The following MPPED1 variants were observed in gnomAD, a reference collection of about 807,000 sequenced individuals.
MPPED1 encodes metallophosphoesterase domain containing 1.
In MPPED1, 16 loss-of-function variants were observed where a neutral mutation model predicts 36.2. The ratio of observed to expected loss-of-function variants is 0.44; its 90% CI spans 0.30 to 0.67. MPPED1 has a LOEUF of 0.67. MPPED1 is among the 30% of genes least tolerant of loss of function. The pLI, the probability that MPPED1 is intolerant of heterozygous loss-of-function variation, is 0.10. For missense variants in MPPED1, 307 were observed against 453.4 expected, an observed-to-expected ratio of 0.68 and a Z score of 2.93; for synonymous variants, 199 against 191.3, an observed-to-expected ratio of 1.04 and a Z score of -0.33.
At chr22:43,446,341 C>T (rs1207843654) in intron 3 of MPPED1, among the ~76,000 whole-genome samples, 11 of 152,180 alleles carry the variant, frequency 7.2e-5, no homozygotes, top group Admixed American at 3.9e-4. Flanking sequence ...AAAACTAGTT[C>T]CTGCCTTTGT....
At chr22:43,505,363 C>A in intron 6 of MPPED1, 135 bp from the exon 7 acceptor site, 1 of 656,978 alleles carries the variant, frequency 1.5e-6, no homozygotes, top group South Asian at 1.9e-5. Flanking sequence ...GATGAAGGGA[C>A]TGACCTCGAG....
At chr22:43,463,816 T>TTTCTTTC (rs1931047698) in intron 3 of MPPED1, among the ~76,000 whole-genome samples, 1 of 43,550 alleles carries the variant, frequency 2.3e-5, no homozygotes, top group South Asian at 7.2e-4. Flanking sequence ...CTTTTCTTTC[T>TTTCTTTC]TTCTTTCTTT....
At chr22:43,468,863 G>A (rs1384910153) in intron 3 of MPPED1, among the ~76,000 whole-genome samples, 6 of 152,190 alleles carry the variant, frequency 3.9e-5, no homozygotes, top group Non-Finnish European at 8.8e-5. Context: ...TGGATGCTTA[G>A]CTTCCGTTGG....
intron 4 of MPPED1, among the ~76,000 whole-genome samples, chr22:43,483,178 T>C (rs917297384): frequency 5.9e-5 from 9 of 152,332 alleles, no homozygotes; most frequent in Middle Eastern, 3.4e-3. Flanking sequence ...TCTTTCTAAC[T>C]TGATAAATAT....
intron 3 of MPPED1, among the ~76,000 whole-genome samples, chr22:43,438,746 G>A (rs1448740017): frequency 6.6e-6 from 1 of 152,130 alleles, no homozygotes; most frequent in East Asian, 1.9e-4. Context: ...ACGCTCCTGG[G>A]TGTCTGGTGC....
chr22:43,469,135 G>T (rs1185026477), intron 3 of MPPED1, among the ~76,000 whole-genome samples: 3 of 152,108 alleles, frequency 2.0e-5, no homozygotes, highest in Non-Finnish European at 4.4e-5. Flanking sequence ...TACTTTCCCG[G>T]GGTTCAGGTA....
intron 1 of MPPED1, among the ~76,000 whole-genome samples, chr22:43,414,129 C>T (rs1432090158): frequency 1.3e-5 from 2 of 152,142 alleles, no homozygotes; most frequent in Non-Finnish European, 2.9e-5. Flanking sequence ...TTACTTGAGC[C>T]CCAACTGTCA....
intron 4 of MPPED1, 119 bp downstream of exon 4, chr22:43,475,080 A>G (rs1286429213): frequency 2.4e-6 from 2 of 848,976 alleles, no homozygotes; most frequent in African/African-American, 1.7e-5. Flanking sequence ...TCAGGACTGA[A>G]TCTTGACCCC....
Position 43,505,576 on chromosome 22 carries a change from C to G in MPPED1, c.941C>G (p.Pro314Arg). The G allele has an allele frequency of 1.2e-6, 2 of 1,612,722 alleles. No individual in the cohort carries two copies. The highest frequency in any genetic ancestry group is 1.7e-6 in the Non-Finnish European group (2 of 1,179,458). ...ACTGTGAACTACCAGCCCGTGAACC[C>G]GCCCATAGTCATCGACCTCCCCACA... ...VCTVNYQPVNPPIVIDLPTPR... is the reference protein window; with the variant it reads ...VCTVNYQPVNRPIVIDLPTPR... Residue 314 changes from proline (P) to arginine (R), a missense_variant, in exon 7 of 7, where the codon CCG (proline) becomes CGG (arginine). By Grantham distance (103) the Pro-to-Arg change is moderately radical. This residue lies in a region of MPPED1 where 132 missense variants were observed against 212.3 expected (regional missense o/e 0.62). Transcript: ENST00000443721.
chr22:43,488,515 T>C (rs1365893673), intron 4 of MPPED1, among the ~76,000 whole-genome samples: 1 of 152,208 alleles, frequency 6.6e-6, no homozygotes, highest in African/African-American at 2.4e-5. Context: ...GTCATTTATA[T>C]TGGCTAAGCA....
chr22:43,435,702 C>T (rs1278077726), intron 3 of MPPED1, among the ~76,000 whole-genome samples: 3 of 152,074 alleles, frequency 2.0e-5, no homozygotes, highest in African/African-American at 4.8e-5. Context: ...ACTAAAAATA[C>T]AAAAATTAGC....
chr22:43,488,729 A>G (rs1226684675), intron 4 of MPPED1, among the ~76,000 whole-genome samples: 2 of 152,286 alleles, frequency 1.3e-5, no homozygotes, highest in Non-Finnish European at 2.9e-5. Context: ...CATGGCAACT[A>G]TCATTCTGTA....
intron 3 of MPPED1, among the ~76,000 whole-genome samples, chr22:43,462,068 C>G (rs1046794353): frequency 6.6e-6 from 1 of 152,102 alleles, no homozygotes; most frequent in Non-Finnish European, 1.5e-5. Flanking sequence ...CTCGGACCCT[C>G]AGAATCTCGG....
At chr22:43,486,344 C>T (rs1225919761) in intron 4 of MPPED1, among the ~76,000 whole-genome samples, 1 of 152,146 alleles carries the variant, frequency 6.6e-6, no homozygotes, top group East Asian at 1.9e-4. Flanking sequence ...CCATGGCTGG[C>T]TCCCTGGAAA....
At chr22:43,471,843 G>C (rs1931387716) in intron 3 of MPPED1, among the ~76,000 whole-genome samples, 1 of 152,216 alleles carries the variant, frequency 6.6e-6, no homozygotes, top group Non-Finnish European at 1.5e-5. Context: ...AGCACAGCAA[G>C]CAGAGTTCCC....
chr22:43,421,913 A>C (rs919303943), intron 1 of MPPED1, among the ~76,000 whole-genome samples: 1 of 152,218 alleles, frequency 6.6e-6, no homozygotes, highest in Admixed American at 6.5e-5. Context: ...TGACTCTACA[A>C]GGTAGGGACT....
chr22:43,433,417 A>G (rs574402279), intron 2 of MPPED1, among the ~76,000 whole-genome samples: 3 of 144,650 alleles, frequency 2.1e-5, no homozygotes, highest in Non-Finnish European at 4.6e-5. Flanking sequence ...GTAGTCATTC[A>G]GGATGTATTG....
At chr22:43,504,288 GATA>G (rs141665721) in intron 6 of MPPED1, among the ~76,000 whole-genome samples, 441 of 152,046 alleles carry the variant, frequency 2.9e-3, no homozygotes, top group Non-Finnish European at 4.6e-3. Context: ...TAATGAGGGT[GATA>G]ATAATGACAG....
At chr22:43,415,167 C>A (rs543936883) in intron 1 of MPPED1, among the ~76,000 whole-genome samples, 3 of 134,606 alleles carry the variant, frequency 2.2e-5, no homozygotes, top group African/African-American at 8.0e-5. Flanking sequence ...GCATCCCTTC[C>A]AGACTGCCAC....
Sources: allele counts gnomAD v4.1 joint callset (sites outside exome capture counted in the v4.1 genomes callset), GRCh38; gene constraint gnomAD v4.1.1; regional missense constraint gnomAD v4.1.1; transcripts MANE v1.5; gene names NCBI Gene and HGNC (gene_info 2026-07-23, HGNC 2026-07-21).